LIFR: variants seen among roughly 807,000 people sequenced by gnomAD.
LIFR encodes leukemia inhibitory factor receptor.
In LIFR, 84 loss-of-function variants were observed where a neutral mutation model predicts 122.2. That is an observed-to-expected ratio of 0.69 (90% CI 0.58 to 0.82). The LOEUF is 0.82. Ranked by LOEUF, LIFR falls within the 40% of genes least tolerant of loss-of-function variation. The pLI is 0.00. For missense variants in LIFR, 1,294 were observed against 1,311.6 expected, an observed-to-expected ratio of 0.99 and a Z score of 0.21; for synonymous variants, 422 against 434.7, an observed-to-expected ratio of 0.97 and a Z score of 0.36.
chr5:38,486,389 T>G (rs1030393722), intron 16 of LIFR, among the ~76,000 whole-genome samples: 3 of 152,128 alleles, frequency 2.0e-5, no homozygotes, highest in African/African-American at 7.2e-5. Flanking sequence ...AAAGATGGGA[T>G]GAAGCAAACC....
chr5:38,550,148 G>T, intron 1 of LIFR: 1 of 480,276 alleles, frequency 2.1e-6, no homozygotes. Context: ...TTGCCCTCCT[G>T]TAAAGTTATA....
chr5:38,582,047 C>CT (rs1381299232), intron 1 of LIFR, among the ~76,000 whole-genome samples: 4 of 146,338 alleles, frequency 2.7e-5, no homozygotes, highest in South Asian at 2.3e-4. Context: ...ATGACCACTT[C>CT]TTTTTTTTTC....
At chr5:38,601,896 G>T (rs1750229152) in intron 2 of LIFR, among the ~76,000 whole-genome samples, 1 of 152,130 alleles carries the variant, frequency 6.6e-6, no homozygotes, top group Non-Finnish European at 1.5e-5. Flanking sequence ...TCCCCAAGCT[G>T]ACTCTGTTCT....
At chr5:38,529,642 TAA>T (rs543950391) in intron 2 of LIFR, among the ~76,000 whole-genome samples, 12 of 151,490 alleles carry the variant, frequency 7.9e-5, no homozygotes, top group Admixed American at 5.9e-4. Context: ...AAGGGGGGTA[TAA>T]GAGAGAGGGA....
At chr5:38,514,220 AGG>A (rs1745956310) in intron 5 of LIFR, among the ~76,000 whole-genome samples, 3 of 152,310 alleles carry the variant, frequency 2.0e-5, no homozygotes, top group East Asian at 1.9e-4. Flanking sequence ...CTCAAAAAAA[AGG>A]AGAAGACAGA....
At chr5:38,493,920 C>A (rs1017348347) in intron 13 of LIFR, 135 bp from the exon 14 acceptor site, 1 of 735,204 alleles carries the variant, frequency 1.4e-6, no homozygotes, top group Non-Finnish European at 2.3e-6. Flanking sequence ...CTAGATAAAC[C>A]TAGAGCAAAG....
chr5:38,480,404 C>A lies in LIFR; in HGVS notation c.*1191G>T, dbSNP rs1743927128. The A allele has an allele frequency of 4.5e-6, 1 of 224,220 alleles. No individual in the cohort carries two copies. Among genetic ancestry groups the A allele is most frequent in the Non-Finnish European group, 8.9e-6 (1 of 112,490 alleles). 13.9% of individuals were successfully genotyped at this position (224,220 alleles called of 1,614,324 possible). A position where few individuals can be genotyped will look rare whatever the true frequency, so the allele number is the denominator to read the frequency against. On this transcript the variant is annotated 3_prime_UTR_variant, in exon 20 of 20. Transcript: ENST00000453190. ...GCTGCACCTGCAACACAGGTATGCC[C>A]ATGGATTCAGATCAGTTTATGACAG...
intron 1 of LIFR, among the ~76,000 whole-genome samples, chr5:38,573,507 A>G (rs2081883738): frequency 6.6e-6 from 1 of 152,220 alleles, no homozygotes; most frequent in South Asian, 2.1e-4. Context: ...TAGAATGAAA[A>G]TCTACTGAAA....
chr5:38,597,797 G>A (rs549080867), upstream of LIFR, among the ~76,000 whole-genome samples: 48 of 152,326 alleles, frequency 3.2e-4, no homozygotes, highest in African/African-American at 1.1e-3. Flanking sequence ...GAAGGGGCAA[G>A]TATTTCATGG....
At chr5:38,531,048 G>C (rs904796987) in intron 1 of LIFR, 3 of 171,348 alleles carry the variant, frequency 1.8e-5, no homozygotes, top group Admixed American at 1.7e-4. Context: ...ATATTTTTAT[G>C]TATTTTATTA....
At chr5:38,530,799 A>C in intron 1 of LIFR, 133 bp from the exon 2 acceptor site, 1 of 842,092 alleles carries the variant, frequency 1.2e-6, no homozygotes, top group South Asian at 1.5e-5. Flanking sequence ...GGAGATACTC[A>C]AACTCAAGCT....
At chr5:38,580,220 A>G (rs1749537190) in intron 1 of LIFR, among the ~76,000 whole-genome samples, 1 of 152,160 alleles carries the variant, frequency 6.6e-6, no homozygotes, top group South Asian at 2.1e-4. Context: ...TGGGATACTC[A>G]TAAGGTGCAA....
At chr5:38,522,386 T>C (rs898153906) in intron 5 of LIFR, among the ~76,000 whole-genome samples, 3 of 152,228 alleles carry the variant, frequency 2.0e-5, no homozygotes, top group African/African-American at 7.2e-5. Context: ...TCTAGGATGA[T>C]CTATTTGAAG....
chr5:38,508,872 C>G (rs1745642898), intron 7 of LIFR, among the ~76,000 whole-genome samples: 1 of 152,206 alleles, frequency 6.6e-6, no homozygotes, highest in African/African-American at 2.4e-5. Context: ...GCGTAAGCCA[C>G]CACACCCGGC....
intron 2 of LIFR, among the ~76,000 whole-genome samples, chr5:38,529,357 C>G (rs1252890428): frequency 6.6e-6 from 1 of 152,030 alleles, no homozygotes; most frequent in Non-Finnish European, 1.5e-5. Flanking sequence ...CTAGTCACCC[C>G]CACCTCATTG....
rs16903989 is a variant in LIFR at position 38,504,201 on chromosome 5, A to T, written c.1292-80T>A. ...CTAATATGACAAATGAGAAGAAAAC[A>T]TAAAAAACAACGAGGCATCATTAGT... is the stretch of plus-strand genomic sequence containing the variant. On this transcript the variant is annotated intron_variant, in intron 9 of 19. Coordinates refer to ENST00000453190, the MANE Select transcript of LIFR (RefSeq NM_001127671.2). The T allele has an allele frequency of 0.34, 346,427 of 1,024,088 alleles. 60,451 individuals are homozygous for T. Among genetic ancestry groups the T allele is most frequent in the East Asian group, 0.41 (16,790 of 41,306 alleles). 63.4% of individuals were successfully genotyped at this position (1,024,088 alleles called of 1,614,324 possible).
At chr5:38,483,582 A>G (rs1744114609) in intron 18 of LIFR, among the ~76,000 whole-genome samples, 1 of 151,996 alleles carries the variant, frequency 6.6e-6, no homozygotes, top group East Asian at 1.9e-4. Flanking sequence ...GGCACGTGCC[A>G]CTATGCTCAG....
intron 1 of LIFR, among the ~76,000 whole-genome samples, chr5:38,566,079 A>G (rs1394084201): frequency 3.9e-5 from 6 of 152,210 alleles, no homozygotes; most frequent in Non-Finnish European, 8.8e-5. Flanking sequence ...AAGAAAAGAA[A>G]AAAAGAAACT....
chr5:38,496,548 T>A lies in LIFR; in HGVS notation c.1719A>T (p.Val573=), dbSNP rs183990367. ...EANGKILSYN[V]SCSSDEETQS... ...GTGTTTCCTCATCTGATGAACACGA[T>A]ACATTGTAGGAAAGTATTTTTCCAT... The change falls in exon 13 of 20, where the codon GTA becomes GTT. Residue 573 remains valine, a synonymous_variant. Transcript: ENST00000453190. 6.2e-7 allele frequency: 1 copy of A among 1,613,876 alleles called. No homozygotes were observed. The highest frequency in any genetic ancestry group is 1.3e-5 in the African/African-American group (1 of 74,946).
Sources: gnomAD v4.1 joint callset for allele counts (sites outside exome capture counted in the v4.1 genomes callset) on GRCh38, gnomAD v4.1.1 for gene constraint, MANE v1.5 for transcripts, NCBI Gene and HGNC (gene_info 2026-07-23, HGNC 2026-07-21) for gene names.